The following DPF3 variants were observed in gnomAD, a reference collection of about 807,000 sequenced individuals.
DPF3 encodes the protein zinc finger protein DPF3.
DPF3 carries 18 observed loss-of-function variants against 56.8 expected under a neutral mutation model. The ratio of observed to expected loss-of-function variants is 0.32; its 90% CI spans 0.22 to 0.47. The LOEUF is 0.47. DPF3 is among the 20% of genes least tolerant of loss of function. DPF3 has a pLI of 1.00. For missense variants in DPF3, 403 were observed against 488.8 expected (o/e 0.82, Z 1.65); for synonymous variants, 188 against 180.2 (o/e 1.04, Z -0.35).
rs1417180752 is a variant in DPF3 at position 72,617,488 on chromosome 14, A to G, written c.*1809T>C. Among the ~76,000 whole-genome samples the G allele has an allele frequency of 2.0e-5, 3 of 152,074 alleles. 1 individual carries two copies. Among genetic ancestry groups the G allele is most frequent in the Non-Finnish European group, 4.4e-5 (3 of 68,012 alleles). The stretch of plus-strand genomic sequence containing the variant: ...CTCACCGACCAGCAGGCGGAAGGAA[A>G]TTACTTATGAGGAAGATGAAAATTC... On this transcript the variant is annotated 3_prime_UTR_variant, in exon 11 of 11. Coordinates refer to ENST00000556509, the MANE Select transcript of DPF3 (RefSeq NM_001280542.3).
chr14:72,734,098 C>A (rs981032980), intron 3 of DPF3, among the ~76,000 whole-genome samples: 1 of 152,214 alleles, frequency 6.6e-6, no homozygotes, highest in Admixed American at 6.5e-5. Flanking sequence ...CACCACTGTG[C>A]TGGGACTAGG....
chr14:72,690,422 A>G (rs1199731154), intron 7 of DPF3, among the ~76,000 whole-genome samples: 1 of 152,312 alleles, frequency 6.6e-6, no homozygotes, highest in Non-Finnish European at 1.5e-5. Flanking sequence ...AACACCAAGC[A>G]CATGGACGGA....
intron 1 of DPF3, among the ~76,000 whole-genome samples, chr14:72,843,856 C>A (rs578150724): frequency 1.3e-5 from 2 of 152,204 alleles, no homozygotes; most frequent in Admixed American, 1.3e-4. Flanking sequence ...GCTGCTAAGA[C>A]TTACGCAGGT....
At position 72,623,046 on chromosome 14, in the gene DPF3, T is replaced by G. The variant is rs150008274; in HGVS notation, c.985-3062A>C. 3.3e-5 allele frequency among the ~76,000 whole-genome samples: 5 copies of G among 152,358 alleles called. No homozygotes were observed. In the East Asian group the frequency reaches 9.6e-4, roughly 29 times the overall value. On this transcript the variant is annotated intron_variant, in intron 9 of 10. Coordinates refer to ENST00000556509, the MANE Select transcript of DPF3 (RefSeq NM_001280542.3). ...TCCTCCAGATTAATCTCTAAGATAT[T>G]CAGAGAAAACAAGCAAGATGGAGAA... is the stretch of plus-strand genomic sequence containing the variant.
chr14:72,829,713 A>C (rs1567247989), intron 1 of DPF3, among the ~76,000 whole-genome samples: 1 of 150,410 alleles, frequency 6.6e-6, no homozygotes, highest in Non-Finnish European at 1.5e-5. Flanking sequence ...TTCCTAGATA[A>C]AGTAATTCCT....
At chr14:72,853,125 G>T (rs541931841) in intron 1 of DPF3, 2 of 151,108 alleles carry the variant, frequency 1.3e-5, no homozygotes, top group South Asian at 4.2e-4. Context: ...CCTTAGCTTT[G>T]GGGAACAGAA....
intron 3 of DPF3, among the ~76,000 whole-genome samples, chr14:72,744,099 C>T (rs1214678129): frequency 6.6e-6 from 1 of 152,222 alleles, no homozygotes; most frequent in African/African-American, 2.4e-5. Flanking sequence ...CTTCCCAGAT[C>T]TCAGGCCCTT....
chr14:72,778,476 G>A (rs1370627573), intron 1 of DPF3, among the ~76,000 whole-genome samples: 1 of 152,168 alleles, frequency 6.6e-6, no homozygotes, highest in Non-Finnish European at 1.5e-5. Context: ...CAAGCTCAGA[G>A]CTCCCACTGA....
intron 3 of DPF3, among the ~76,000 whole-genome samples, chr14:72,734,977 C>G (rs1485571358): frequency 6.6e-6 from 1 of 152,188 alleles, no homozygotes; most frequent in East Asian, 1.9e-4. Flanking sequence ...CAGTTATTAA[C>G]CCGTTTTACA....
intron 2 of DPF3, among the ~76,000 whole-genome samples, chr14:72,769,270 C>G (rs561220382): frequency 6.6e-6 from 1 of 152,236 alleles, no homozygotes; most frequent in Admixed American, 6.5e-5. Flanking sequence ...AGGATTTCTT[C>G]AAGAAATAGC....
chr14:72,631,329 A>G (rs1316790407), intron 8 of DPF3, among the ~76,000 whole-genome samples: 1 of 152,234 alleles, frequency 6.6e-6, no homozygotes, highest in East Asian at 1.9e-4. Context: ...AAGAAAAAGA[A>G]GCCTTACATT....
chr14:72,874,142 T>C (rs1458885599), intron 1 of DPF3, among the ~76,000 whole-genome samples: 1 of 145,658 alleles, frequency 6.9e-6, no homozygotes, highest in Non-Finnish European at 1.5e-5. Context: ...GGAAGCATTA[T>C]AAAGATTAAA....
At chr14:72,693,036 C>A in intron 7 of DPF3, 40 bp downstream of exon 7, 1 of 1,612,324 alleles carries the variant, frequency 6.2e-7, no homozygotes, top group South Asian at 1.1e-5. Flanking sequence ...CCTGTCTAAC[C>A]CACTTCTTCA....
At chr14:72,673,962 T>G in intron 8 of DPF3, 1 of 390,084 alleles carries the variant, frequency 2.6e-6, no homozygotes, top group Non-Finnish European at 4.6e-6. Context: ...CTCGCTGTGG[T>G]CCGTAAAAAC....
chr14:72,858,018 G>A (rs1475028176), intron 1 of DPF3, among the ~76,000 whole-genome samples: 1 of 151,988 alleles, frequency 6.6e-6, no homozygotes, highest in Non-Finnish European at 1.5e-5. Flanking sequence ...TCAAACCCAG[G>A]TGTAGGCCAG....
chr14:72,724,209 A>G (rs1429000900), intron 4 of DPF3: 2 of 152,082 alleles, frequency 1.3e-5, no homozygotes, highest in Non-Finnish European at 2.9e-5. Context: ...TGTGCTGTTC[A>G]TAATAAGCCA....
intron 1 of DPF3, among the ~76,000 whole-genome samples, chr14:72,872,086 C>A (rs531183592): frequency 6.6e-6 from 1 of 152,216 alleles, no homozygotes; most frequent in Non-Finnish European, 1.5e-5. Context: ...AAGCTGCCAA[C>A]GCTTGGGGCT....
chr14:72,866,795 G>T (rs113035740), intron 1 of DPF3, among the ~76,000 whole-genome samples: 33,762 of 150,110 alleles, frequency 0.22, 5,108 homozygotes, highest in African/African-American at 0.32. Context: ...GGTGGATGTT[G>T]CAGTGAGCGA....
chr14:72,654,764 C>A (rs207474960), intron 8 of DPF3, among the ~76,000 whole-genome samples: 1 of 152,114 alleles, frequency 6.6e-6, no homozygotes, highest in South Asian at 2.1e-4. Context: ...CCCTTTGTTT[C>A]TTTTATGTCT....
Sources: allele counts gnomAD v4.1 joint callset (sites outside exome capture counted in the v4.1 genomes callset), GRCh38; gene constraint gnomAD v4.1.1; transcripts MANE v1.5; gene names NCBI Gene and HGNC (gene_info 2026-07-23, HGNC 2026-07-21).